Variants in LHFPL6 observed in about 807,000 individuals in gnomAD.
LHFPL6 encodes the protein LHFPL tetraspan subfamily member 6 protein.
LHFPL6 carries 9 observed loss-of-function variants against 20.6 expected under a neutral mutation model. The ratio of observed to expected loss-of-function variants is 0.44; its 90% CI spans 0.26 to 0.76. LHFPL6 has a LOEUF of 0.76. Ranked by LOEUF, LHFPL6 falls within the 30% of genes least tolerant of loss-of-function variation. The pLI, the probability that LHFPL6 is intolerant of heterozygous loss-of-function variation, is 0.20. For synonymous variants in LHFPL6, 105 were observed against 98.7 expected (o/e 1.06, Z -0.38); for missense variants, 218 against 253.5 (o/e 0.86, Z 0.95).
intron 3 of LHFPL6, among the ~76,000 whole-genome samples, chr13:39,367,169 A>G (rs1870035365): frequency 2.0e-5 from 3 of 152,214 alleles, no homozygotes; most frequent in Admixed American, 2.0e-4. Context: ...GGTGCATGGC[A>G]TGGATATAAA....
intron 2 of LHFPL6, among the ~76,000 whole-genome samples, chr13:39,545,389 G>A (rs1870950289): frequency 1.3e-5 from 2 of 151,938 alleles, no homozygotes; most frequent in Admixed American, 6.6e-5. Context: ...TTCCTAAAAT[G>A]CATCACTTTT....
chr13:39,433,968 C>T (rs1245784247), intron 2 of LHFPL6, among the ~76,000 whole-genome samples: 1 of 152,150 alleles, frequency 6.6e-6, no homozygotes, highest in African/African-American at 2.4e-5. Flanking sequence ...TAGCAAAGAG[C>T]CTGCTATCTG....
At chr13:39,550,406 AT>A (rs1195072651) in intron 2 of LHFPL6, among the ~76,000 whole-genome samples, 1 of 152,174 alleles carries the variant, frequency 6.6e-6, no homozygotes, top group Non-Finnish European at 1.5e-5. Context: ...CAAGTAAATA[AT>A]ACCTCAATGA....
At chr13:39,468,552 G>A (rs979850600) in intron 2 of LHFPL6, among the ~76,000 whole-genome samples, 6 of 152,060 alleles carry the variant, frequency 3.9e-5, no homozygotes, top group African/African-American at 1.4e-4. Flanking sequence ...TCTGTCAGTG[G>A]CATAATGCTT....
chr13:39,500,740 G>A (rs1227448450), intron 2 of LHFPL6, among the ~76,000 whole-genome samples: 2 of 152,122 alleles, frequency 1.3e-5, no homozygotes, highest in African/African-American at 4.8e-5. Context: ...TACGCCTCTT[G>A]ATAAGTATAA....
chr13:39,440,342 G>T (rs559452162), intron 2 of LHFPL6, among the ~76,000 whole-genome samples: 1 of 152,148 alleles, frequency 6.6e-6, no homozygotes, highest in African/African-American at 2.4e-5. Flanking sequence ...AAAAAACAGT[G>T]AGCAGGTCAG....
chr13:39,478,853 G>A (rs1593328628), intron 2 of LHFPL6, among the ~76,000 whole-genome samples: 1 of 152,204 alleles, frequency 6.6e-6, no homozygotes, highest in South Asian at 2.1e-4. Context: ...CAGCTTTCCT[G>A]GGTGTCCAGC....
At chr13:39,469,223 T>C (rs747236272) in intron 2 of LHFPL6, among the ~76,000 whole-genome samples, 8 of 152,146 alleles carry the variant, frequency 5.3e-5, no homozygotes, top group Non-Finnish European at 1.2e-4. Flanking sequence ...CGGGTAACCC[T>C]GCAACACAGG....
chr13:39,444,819 C>G (rs1002577529), intron 2 of LHFPL6, among the ~76,000 whole-genome samples: 8 of 152,186 alleles, frequency 5.3e-5, no homozygotes, highest in Non-Finnish European at 1.0e-4. Context: ...GAGACAGTCC[C>G]TGCTAGAGCA....
At chr13:39,465,680 A>G (rs1453389086) in intron 2 of LHFPL6, among the ~76,000 whole-genome samples, 1 of 152,120 alleles carries the variant, frequency 6.6e-6, no homozygotes, top group African/African-American at 2.4e-5. Context: ...TGAAACGTTC[A>G]TCTGTAGGAA....
At chr13:39,425,196 TTCAC>T (rs1228677005) in intron 2 of LHFPL6, among the ~76,000 whole-genome samples, 1 of 152,218 alleles carries the variant, frequency 6.6e-6, no homozygotes, top group South Asian at 2.1e-4. Flanking sequence ...TCTGGCTTCT[TTCAC>T]TCAGCATAAT....
Position 39,532,821 on chromosome 13 carries a change from A to G in LHFPL6, c.385+68011T>C, listed in dbSNP as rs1383171250. 2.6e-5 allele frequency among the ~76,000 whole-genome samples: 4 copies of G among 152,222 alleles called. No individual in the cohort carries two copies. In the East Asian group the frequency reaches 7.7e-4, roughly 29 times the overall value. On this transcript the variant is annotated intron_variant, in intron 2 of 3. Transcript: ENST00000379589. Reference sequence around the variant, plus strand: ...ATTCATGGCCAAATTATATTGGACCACATTGCATGCTGTATCCTCCCACTG... The same window carrying G: ...ATTCATGGCCAAATTATATTGGACCGCATTGCATGCTGTATCCTCCCACTG...
Position 39,502,676 on chromosome 13 carries a change from A to G in LHFPL6, c.385+98156T>C, listed in dbSNP as rs1360081615. 2.0e-5 allele frequency among the ~76,000 whole-genome samples: 3 copies of G among 152,094 alleles called. No homozygotes were observed. The East Asian group carries it at 5.8e-4, about 29-fold the overall frequency. On this transcript the variant is annotated intron_variant, in intron 2 of 3. Coordinates refer to ENST00000379589, the MANE Select transcript of LHFPL6 (RefSeq NM_005780.3). ...CAGGGTGAGGGTGAAGCTGGAACAC[A>G]GGATCTTTAAAAAGCCCCAAGTGAT... is the stretch of plus-strand genomic sequence containing the variant.
At chr13:39,563,107 C>A (rs1381628462) in intron 2 of LHFPL6, among the ~76,000 whole-genome samples, 1 of 124,022 alleles carries the variant, frequency 8.1e-6, no homozygotes, top group Non-Finnish European at 1.9e-5. Flanking sequence ...CACACACACA[C>A]ACACACACAC....
intron 2 of LHFPL6, among the ~76,000 whole-genome samples, chr13:39,579,760 C>T (rs940789072): frequency 1.3e-5 from 2 of 152,158 alleles, no homozygotes; most frequent in Non-Finnish European, 2.9e-5. Context: ...GCAAATATCA[C>T]TGGCAAGTTT....
chr13:39,445,526 A>T (rs1263012149), intron 2 of LHFPL6, among the ~76,000 whole-genome samples: 1 of 152,202 alleles, frequency 6.6e-6, no homozygotes, highest in African/African-American at 2.4e-5. Flanking sequence ...ATTTCAATAG[A>T]CGTTTAGTAA....
At chr13:39,386,889 C>CT (rs1191175515) in intron 2 of LHFPL6, among the ~76,000 whole-genome samples, 2 of 152,200 alleles carry the variant, frequency 1.3e-5, no homozygotes, top group South Asian at 4.1e-4. Context: ...AATCCCTTCT[C>CT]TTTGACTGAG....
At chr13:39,493,929 C>T (rs1213085925) in intron 2 of LHFPL6, among the ~76,000 whole-genome samples, 1 of 152,196 alleles carries the variant, frequency 6.6e-6, no homozygotes, top group Admixed American at 6.5e-5. Context: ...AAACACTTCA[C>T]AAGAAGTTTG....
intron 2 of LHFPL6, among the ~76,000 whole-genome samples, chr13:39,487,232 C>A (rs939611000): frequency 6.6e-6 from 1 of 152,168 alleles, no homozygotes; most frequent in Admixed American, 6.5e-5. Context: ...CATACCCCTC[C>A]AATATTATTC....
Sources: allele counts gnomAD v4.1 joint callset (sites outside exome capture counted in the v4.1 genomes callset), GRCh38; gene constraint gnomAD v4.1.1; transcripts MANE v1.5; gene names NCBI Gene and HGNC (gene_info 2026-07-23, HGNC 2026-07-21).